LPAR3: variants seen among roughly 807,000 people sequenced by gnomAD.
LPAR3 encodes LPA receptor 3.
LPAR3 carries 7 observed loss-of-function variants against 17.8 expected under a neutral mutation model. The observed-to-expected ratio is 0.39, with a 90% confidence interval of 0.22 to 0.74. The LOEUF (loss-of-function observed/expected upper bound fraction) is 0.74, where lower values mean the gene tolerates loss of function less well. Ranked by LOEUF, LPAR3 falls within the 30% of genes least tolerant of loss-of-function variation. The pLI, the probability that LPAR3 is intolerant of heterozygous loss-of-function variation, is 0.40. For synonymous variants in LPAR3, 179 were observed against 179.9 expected (o/e 0.99, Z 0.04); for missense variants, 391 against 453.4 (o/e 0.86, Z 1.25).
intron 1 of LPAR3, among the ~76,000 whole-genome samples, chr1:84,868,255 G>A (rs1019132218): frequency 2.0e-5 from 3 of 152,104 alleles, no homozygotes; most frequent in Admixed American, 1.3e-4. Flanking sequence ...GACCACAGGC[G>A]CATGCCAGCA....
At chr1:84,859,740 A>G (rs1659900214) in intron 2 of LPAR3, among the ~76,000 whole-genome samples, 1 of 152,260 alleles carries the variant, frequency 6.6e-6, no homozygotes, top group Non-Finnish European at 1.5e-5. Context: ...AGGAGGGTTC[A>G]TGGAAGACTT....
At chr1:84,874,300 T>G (rs1660214703) in intron 1 of LPAR3, among the ~76,000 whole-genome samples, 2 of 152,178 alleles carry the variant, frequency 1.3e-5, no homozygotes, top group African/African-American at 4.8e-5. Flanking sequence ...CTCAGCAGAA[T>G]AAACAGGTTC....
At chr1:84,864,033 G>A (rs1659990631) in intron 2 of LPAR3, among the ~76,000 whole-genome samples, 1 of 152,160 alleles carries the variant, frequency 6.6e-6, no homozygotes, top group Non-Finnish European at 1.5e-5. Context: ...GCAACATGGT[G>A]AAACCCTGTC....
chr1:84,822,926 T>G (rs1299650355), intron 2 of LPAR3, among the ~76,000 whole-genome samples: 1 of 152,212 alleles, frequency 6.6e-6, no homozygotes, highest in East Asian at 1.9e-4. Context: ...CTTTGCCACA[T>G]GGACTACTAA....
At chr1:84,887,511 T>C (rs1660483510) in intron 1 of LPAR3, among the ~76,000 whole-genome samples, 1 of 152,100 alleles carries the variant, frequency 6.6e-6, no homozygotes. Context: ...CCTAGAATAG[T>C]TCCCCACAAA....
At chr1:84,866,298 C>A (rs780905389) in intron 1 of LPAR3, 160 bp from the exon 2 acceptor site, 96 of 611,934 alleles carry the variant, frequency 1.6e-4, no homozygotes, top group Non-Finnish European at 2.4e-4. Flanking sequence ...CAGGACATAG[C>A]CCCTGACCTC....
chr1:84,849,323 C>T (rs983950249), intron 2 of LPAR3, among the ~76,000 whole-genome samples: 36 of 134,684 alleles, frequency 2.7e-4, no homozygotes, highest in African/African-American at 1.0e-3. Context: ...TGCAGTAAGC[C>T]GAGATTGCGC....
intron 1 of LPAR3, among the ~76,000 whole-genome samples, chr1:84,883,218 G>T (rs534241554): frequency 2.0e-5 from 3 of 152,172 alleles, no homozygotes; most frequent in Non-Finnish European, 4.4e-5. Flanking sequence ...TGAGCTCCAC[G>T]GTGAGCTTGT....
At position 84,873,510 on chromosome 1, in the gene LPAR3, T is replaced by G. The variant is rs150069921; in HGVS notation, c.-18-7372A>C. ...TGATATGGTAAAATAAACAGAGGAG[T>G]GGCAATTTGTTCAAAATTAAATTTA... is the stretch of plus-strand genomic sequence containing the variant. On this transcript the variant is annotated intron_variant, in intron 1 of 2. Transcript: ENST00000370611. Among the ~76,000 whole-genome samples, 227 of 152,080 alleles carry G rather than the reference T, an allele frequency of 1.5e-3. 1 individual carries two copies. Among genetic ancestry groups the G allele is most frequent in the East Asian group, 0.014 (75 of 5,182 alleles).
chr1:84,862,840 A>G (rs1250345838), intron 2 of LPAR3, among the ~76,000 whole-genome samples: 1 of 152,214 alleles, frequency 6.6e-6, no homozygotes, highest in East Asian at 1.9e-4. Context: ...TGCTGCAGCC[A>G]CACACACAGT....
At chr1:84,848,050 C>T (rs1330256691) in intron 2 of LPAR3, among the ~76,000 whole-genome samples, 2 of 152,172 alleles carry the variant, frequency 1.3e-5, no homozygotes, top group East Asian at 3.9e-4. Flanking sequence ...CCCTTAACAC[C>T]ACGTTGAACA....
At chr1:84,848,225 G>C (rs1270805224) in intron 2 of LPAR3, among the ~76,000 whole-genome samples, 1 of 152,206 alleles carries the variant, frequency 6.6e-6, no homozygotes, top group Non-Finnish European at 1.5e-5. Flanking sequence ...ATCTGGATGT[G>C]GCCAGCCACC....
chr1:84,861,866 T>C (rs1356443640), intron 2 of LPAR3, among the ~76,000 whole-genome samples: 2 of 152,222 alleles, frequency 1.3e-5, no homozygotes, highest in African/African-American at 4.8e-5. Flanking sequence ...TTGTTCATTC[T>C]GGTTTTTCTC....
intron 2 of LPAR3, among the ~76,000 whole-genome samples, chr1:84,824,107 G>A (rs1366256736): frequency 6.6e-6 from 1 of 152,192 alleles, no homozygotes; most frequent in Non-Finnish European, 1.5e-5. Flanking sequence ...GAAACATTTT[G>A]AAAGGACTAC....
chr1:84,865,881 T>G lies in LPAR3; in HGVS notation c.240A>C (p.Gly80=), dbSNP rs1430831375. Residue 80 remains glycine (G), a synonymous_variant, in exon 2 of 3, where the codon GGA becomes GGC. Transcript: ENST00000370611. ...ANLAAADFFA[G]IAYVFLMFNT... ...TAAACATCAGGAATACATAGGCAAT[T>G]CCAGCGAAGAAATCGGCAGCAGCTA... The G allele has an allele frequency of 5.6e-6, 9 of 1,613,982 alleles. No individual in the cohort carries two copies. In the Admixed American group the frequency reaches 1.3e-4, roughly 24 times the overall value.
intron 2 of LPAR3, among the ~76,000 whole-genome samples, chr1:84,834,214 T>C (rs1225325538): frequency 1.3e-5 from 2 of 152,196 alleles, no homozygotes; most frequent in East Asian, 1.9e-4. Flanking sequence ...ATTGGTACCA[T>C]TTACTTTCAT....
intron 1 of LPAR3, among the ~76,000 whole-genome samples, chr1:84,869,078 T>C (rs536051688): frequency 7.2e-5 from 11 of 152,292 alleles, no homozygotes; most frequent in African/African-American, 2.4e-4. Flanking sequence ...CACAAAGACA[T>C]TGGAATTAAG....
In LPAR3 at chr1:84,880,422, G is replaced by A. The variant is rs74872903; in HGVS notation, c.-19+12594C>T. On this transcript the variant is annotated intron_variant, in intron 1 of 2. Coordinates refer to ENST00000370611, the MANE Select transcript of LPAR3 (RefSeq NM_012152.3). ...GGAGAATCAGAAAAGTCAATTGCCC[G>A]TGTAGCTCCAAAGAGTAGAAAATAG... 4.5e-3 allele frequency among the ~76,000 whole-genome samples: 692 copies of A among 152,314 alleles called. 2 individuals carry two copies. Among genetic ancestry groups the A allele is most frequent in the African/African-American group, 0.016 (668 of 41,568 alleles).
intron 2 of LPAR3, among the ~76,000 whole-genome samples, chr1:84,839,244 T>G (rs1054917311): frequency 2.0e-5 from 3 of 152,204 alleles, no homozygotes; most frequent in Non-Finnish European, 4.4e-5. Context: ...GTGTTTATTA[T>G]AAAAGTTAGA....
Sources: allele counts gnomAD v4.1 joint callset (sites outside exome capture counted in the v4.1 genomes callset), GRCh38; gene constraint gnomAD v4.1.1; transcripts MANE v1.5; gene names NCBI Gene and HGNC (gene_info 2026-07-23, HGNC 2026-07-21).